DCX: variants seen among roughly 807,000 people sequenced by gnomAD.
The protein encoded by DCX is doublecortin.
Under a neutral mutation model 20.9 loss-of-function variants are expected in DCX, and 4 were observed. The ratio of observed to expected loss-of-function variants is 0.19; its 90% CI spans 0.09 to 0.44. The LOEUF (loss-of-function observed/expected upper bound fraction) is 0.44, where lower values mean the gene tolerates loss of function less well. Ranked by LOEUF, DCX falls within the 20% of genes least tolerant of loss-of-function variation. The pLI is 0.99. For missense variants in DCX, 133 were observed against 296.9 expected (o/e 0.45, Z 4.06); for synonymous variants, 103 against 111.4 (o/e 0.92, Z 0.47).
At chrX:111,405,600 T>C (rs1928147539) in intron 2 of DCX, among the ~76,000 whole-genome samples, 1 of 110,106 alleles carries the variant, frequency 9.1e-6, no homozygotes, top group South Asian at 3.8e-4. Context: ...ATAAATGATA[T>C]CCCCAAGGTT....
At chrX:111,410,589 G>C (rs1928627559) in intron 1 of DCX, 169 bp from the exon 2 acceptor site, 1 of 832,081 alleles carries the variant, frequency 1.2e-6, no homozygotes, top group Non-Finnish European at 1.8e-6. Context: ...GCTTGCCCCT[G>C]ACCTGCAGGA....
intron 3 of DCX, among the ~76,000 whole-genome samples, chrX:111,356,708 A>C (rs1000729961): frequency 1.8e-5 from 2 of 112,280 alleles, no homozygotes; most frequent in Non-Finnish European, 3.8e-5. Context: ...TTAAACTGAC[A>C]GTTGAATGTG....
chrX:111,397,936 G>C (rs1286272871), intron 3 of DCX, among the ~76,000 whole-genome samples: 2 of 110,921 alleles, frequency 1.8e-5, no homozygotes, highest in African/African-American at 6.6e-5. Flanking sequence ...ACTTCTCAGA[G>C]CATTCAATGT....
intron 3 of DCX, among the ~76,000 whole-genome samples, chrX:111,376,137 AT>A: frequency 8.9e-6 from 1 of 112,105 alleles, no homozygotes; most frequent in Non-Finnish European, 1.9e-5. Context: ...GAAAACATCA[AT>A]TTTTTAAGGA....
intron 6 of DCX, among the ~76,000 whole-genome samples, chrX:111,302,463 C>T (rs2095036198): frequency 8.9e-6 from 1 of 111,922 alleles, no homozygotes; most frequent in Admixed American, 9.5e-5. Context: ...CTGGGACAGA[C>T]ACCCAGGAGT....
intron 2 of DCX, among the ~76,000 whole-genome samples, chrX:111,408,699 G>GAAGT (rs1928461270): frequency 9.6e-6 from 1 of 103,817 alleles, no homozygotes; most frequent in Non-Finnish European, 2.0e-5. Context: ...AGAAAGGAAG[G>GAAGT]AAGTCGAACT....
chrX:111,349,819 T>C (rs1443338267), intron 3 of DCX, among the ~76,000 whole-genome samples: 1 of 111,740 alleles, frequency 8.9e-6, no homozygotes, highest in Non-Finnish European at 1.9e-5. Flanking sequence ...GTAGGAAATA[T>C]ATGACACTCC....
intron 3 of DCX, among the ~76,000 whole-genome samples, chrX:111,374,354 C>A (rs1925353762): frequency 8.9e-6 from 1 of 111,976 alleles, no homozygotes; most frequent in Non-Finnish European, 1.9e-5. Flanking sequence ...CATAGATGAT[C>A]CAAGCATTGG....
chrX:111,335,809 G>C (rs1307003439), intron 3 of DCX, among the ~76,000 whole-genome samples: 1 of 110,625 alleles, frequency 9.0e-6, no homozygotes, highest in Non-Finnish European at 1.9e-5. Context: ...AGTCCGGCGT[G>C]GTGGTGCACA....
intron 3 of DCX, among the ~76,000 whole-genome samples, chrX:111,358,507 C>T (rs190517200): frequency 2.0e-4 from 22 of 111,820 alleles, no homozygotes; most frequent in Non-Finnish European, 1.7e-4. Context: ...GAAGAATTTG[C>T]CTTATTCTGT....
At chrX:111,385,591 G>C (rs1034310066) in intron 3 of DCX, among the ~76,000 whole-genome samples, 1 of 110,382 alleles carries the variant, frequency 9.1e-6, no homozygotes. Flanking sequence ...GGGAGGCAGG[G>C]ATTGCAGTGA....
intron 2 of DCX, among the ~76,000 whole-genome samples, chrX:111,409,612 C>A (rs1928534173): frequency 9.0e-6 from 1 of 111,672 alleles, no homozygotes; most frequent in South Asian, 3.8e-4. Context: ...CAATGAGTTG[C>A]AATTCACAAA....
chrX:111,356,559 A>T (rs1158702326), intron 3 of DCX, among the ~76,000 whole-genome samples: 1 of 112,448 alleles, frequency 8.9e-6, no homozygotes, highest in African/African-American at 3.2e-5. Context: ...AGAGCTTAGG[A>T]GCACTTCACA....
intron 3 of DCX, among the ~76,000 whole-genome samples, chrX:111,366,335 T>A (rs929924489): frequency 2.7e-5 from 3 of 111,625 alleles, no homozygotes; most frequent in Non-Finnish European, 5.6e-5. Flanking sequence ...TGATTTCAGA[T>A]CATGTGTCAG....
chrX:111,391,612 C>G (rs1926960851), intron 3 of DCX, among the ~76,000 whole-genome samples: 1 of 110,722 alleles, frequency 9.0e-6, no homozygotes, highest in African/African-American at 3.3e-5. Context: ...AAGCGCTGTT[C>G]TGTGCAGTGT....
At chrX:111,407,750 C>T (rs1172197987) in intron 2 of DCX, among the ~76,000 whole-genome samples, 1 of 107,985 alleles carries the variant, frequency 9.3e-6, no homozygotes, top group African/African-American at 3.4e-5. Flanking sequence ...ACATTTATTG[C>T]CTACCTATGT....
chrX:111,400,930 A>T, intron 3 of DCX, 60 bp downstream of exon 3: 1 of 1,026,896 alleles, frequency 9.7e-7, no homozygotes, highest in African/African-American at 1.8e-5. Context: ...TATTTTAGGT[A>T]TAACATGATC....
rs1246635812 is a variant in DCX at position 111,298,005 on chromosome X, C to T, written c.*3682G>A. 1.8e-5 allele frequency: 2 copies of T among 111,596 alleles called. No homozygotes were observed. The highest frequency in any genetic ancestry group is 6.5e-5 in the African/African-American group (2 of 30,677). The allele number at this position is 111,596 out of a possible 1,213,427, so 9.2% of individuals were successfully genotyped here. A position where few individuals can be genotyped will look rare whatever the true frequency, so the allele number is the denominator to read the frequency against. ...CTCTAGCTCATCTTACTCCCATATT[C>T]TAAAAGAAATCATTGCCAGTGAATG... On this transcript the variant is annotated 3_prime_UTR_variant, in exon 7 of 7. Coordinates refer to ENST00000636035, the MANE Select transcript of DCX (RefSeq NM_001195553.2).
At chrX:111,357,796 GAA>G in intron 3 of DCX, among the ~76,000 whole-genome samples, 1 of 97,450 alleles carries the variant, frequency 1.0e-5, no homozygotes, top group African/African-American at 3.8e-5. Flanking sequence ...GAGAAAAAAA[GAA>G]AAAAAAAAAG....
Sources: gnomAD v4.1 joint callset for allele counts (sites outside exome capture counted in the v4.1 genomes callset) on GRCh38, gnomAD v4.1.1 for gene constraint, MANE v1.5 for transcripts, NCBI Gene and HGNC (gene_info 2026-07-23, HGNC 2026-07-21) for gene names.